The following PIBF1 variants were observed in gnomAD, a reference collection of about 807,000 sequenced individuals.
PIBF1 encodes progesterone-induced-blocking factor 1.
PIBF1 carries 90 observed loss-of-function variants against 112.5 expected under a neutral mutation model. The ratio of observed to expected loss-of-function variants is 0.80; its 90% CI spans 0.67 to 0.95. The LOEUF (loss-of-function observed/expected upper bound fraction) is 0.95, where lower values mean the gene tolerates loss of function less well. PIBF1 is among the 40% of genes least tolerant of loss of function. The pLI is 0.00. For missense variants in PIBF1, 915 were observed against 852.3 expected (o/e 1.07, Z -0.92); for synonymous variants, 301 against 288.6 (o/e 1.04, Z -0.44).
At chr13:72,856,321 C>T (rs1168310434) in intron 10 of PIBF1, among the ~76,000 whole-genome samples, 2 of 152,080 alleles carry the variant, frequency 1.3e-5, no homozygotes, top group Non-Finnish European at 2.9e-5. Flanking sequence ...GAATTTTTCA[C>T]TAAAATTTTA....
chr13:72,796,229 G>C (rs1218409455), intron 4 of PIBF1, among the ~76,000 whole-genome samples: 1 of 152,046 alleles, frequency 6.6e-6, no homozygotes, highest in Non-Finnish European at 1.5e-5. Context: ...ACAGTCATGA[G>C]AGAATGAGAA....
Position 72,935,821 on chromosome 13 carries a change from T to C in PIBF1, c.1833+4554T>C, listed in dbSNP as rs148236296. Among the ~76,000 whole-genome samples, 92 of 152,236 alleles carry C rather than the reference T, an allele frequency of 6.0e-4. No homozygotes were observed. The East Asian group carries it at 0.015, about 25-fold the overall frequency. On this transcript the variant is annotated intron_variant, in intron 14 of 17. Coordinates refer to ENST00000326291, the MANE Select transcript of PIBF1 (RefSeq NM_006346.4). ...TCTTCTCATTTGAGTTTCTTTGCCCTCTGTTTATCTTCTTGGGAGAAGTGT... is the reference window on the plus strand; with the variant it reads ...TCTTCTCATTTGAGTTTCTTTGCCCCCTGTTTATCTTCTTGGGAGAAGTGT...
At position 72,829,239 on chromosome 13, in the gene PIBF1, C is replaced by A. The variant is rs148692395; in HGVS notation, c.1097+1325C>A. On this transcript the variant is annotated intron_variant, in intron 8 of 17. Coordinates refer to ENST00000326291, the MANE Select transcript of PIBF1 (RefSeq NM_006346.4). Reference sequence around the variant, plus strand: ...CCTGTTCTGGAGTTTGCCTATCCACCCTAATGATAGTTTCTTTTGCTGTGC... The same window carrying A: ...CCTGTTCTGGAGTTTGCCTATCCACACTAATGATAGTTTCTTTTGCTGTGC... Among the ~76,000 whole-genome samples the A allele has an allele frequency of 6.6e-5, 10 of 152,144 alleles. No homozygotes were observed. In the East Asian group the frequency reaches 1.9e-3, roughly 29 times the overall value.
At chr13:72,859,395 T>C (rs1311065276) in intron 10 of PIBF1, among the ~76,000 whole-genome samples, 1 of 152,148 alleles carries the variant, frequency 6.6e-6, no homozygotes, top group Non-Finnish European at 1.5e-5. Flanking sequence ...AATGGATTAG[T>C]AACTACTGAA....
At chr13:72,902,006 A>ATGTGTGTGTGTGTGTGTGTGTGTGTGTG (rs137877705) in intron 11 of PIBF1, among the ~76,000 whole-genome samples, 10,275 of 147,682 alleles carry the variant, frequency 0.07, 484 homozygotes, top group Middle Eastern at 0.14. Context: ...GTGTATGTAT[A>ATGTGTGTGTGTGTGTGTGTGTGTGTGTG]TGTGTGTGTG....
At chr13:72,867,418 C>A (rs960476301) in intron 10 of PIBF1, among the ~76,000 whole-genome samples, 4 of 152,078 alleles carry the variant, frequency 2.6e-5, no homozygotes, top group African/African-American at 9.7e-5. Context: ...AAATGAAATT[C>A]TTTATTTAAA....
intron 16 of PIBF1, 25 bp downstream of exon 16, chr13:72,973,700 T>C (rs748740285): frequency 7.5e-7 from 1 of 1,329,928 alleles, no homozygotes; most frequent in Non-Finnish European, 1.1e-6. Flanking sequence ...TTGTCATAAT[T>C]GTAATCATTT....
intron 14 of PIBF1, among the ~76,000 whole-genome samples, chr13:72,951,249 A>G (rs909056499): frequency 1.1e-4 from 16 of 152,114 alleles, no homozygotes; most frequent in Admixed American, 6.5e-4. Context: ...GTTATTTTTA[A>G]TAATTGCCTT....
At chr13:72,983,128 G>GACCAGCCTGGGCAACACAGCAA (rs2043193450) in intron 16 of PIBF1, among the ~76,000 whole-genome samples, 1 of 152,084 alleles carries the variant, frequency 6.6e-6, no homozygotes. Flanking sequence ...AGGAATTTGA[G>GACCAGCCTGGGCAACACAGCAA]ACCAGCCTGG....
chr13:72,837,204 A>G (rs1019067739), intron 9 of PIBF1, among the ~76,000 whole-genome samples: 9 of 152,116 alleles, frequency 5.9e-5, no homozygotes, highest in Admixed American at 2.0e-4. Flanking sequence ...TTCTTAAAAA[A>G]TGTTTTGACA....
At chr13:72,784,488 G>A (rs1566263848) in intron 2 of PIBF1, among the ~76,000 whole-genome samples, 1 of 151,126 alleles carries the variant, frequency 6.6e-6, no homozygotes, top group Non-Finnish European at 1.5e-5. Context: ...GCCAAGTGCG[G>A]TGGCTCACAC....
chr13:72,819,262 G>GA (rs1310316153), intron 5 of PIBF1, among the ~76,000 whole-genome samples: 1 of 152,002 alleles, frequency 6.6e-6, no homozygotes, highest in Admixed American at 6.6e-5. Context: ...GTATCAGCTG[G>GA]AAAAAAGCCT....
rs761760307 is a variant in PIBF1, at chr13:72,973,599, A to T, written c.1973A>T (p.Asn658Ile). 7.8e-6 allele frequency: 12 copies of T among 1,547,732 alleles called. No homozygotes were observed. The African/African-American group carries it at 1.4e-4, about 18-fold the overall frequency. Residue 658 changes from asparagine (N) to isoleucine (I), a missense_variant, in exon 16 of 18, where the codon AAT (asparagine) becomes ATT (isoleucine). Coordinates refer to ENST00000326291, the MANE Select transcript of PIBF1 (RefSeq NM_006346.4). ...GGGGTTTTTTTTTTCAGCAACTTAAATAAAGAAAAGTCAGCTTTACTACAG... is the reference window on the plus strand; with the variant it reads ...GGGGTTTTTTTTTTCAGCAACTTAATTAAAGAAAAGTCAGCTTTACTACAG... ...AQLEKDVSNL[N>I]KEKSALLQTK...
chr13:72,876,131 A>ATTTTTT (rs1379154834), intron 10 of PIBF1, among the ~76,000 whole-genome samples: 1 of 27,932 alleles, frequency 3.6e-5, no homozygotes, highest in Non-Finnish European at 6.8e-5. Context: ...CTGTGTTCAG[A>ATTTTTT]TTCTTTTTTT....
intron 10 of PIBF1, among the ~76,000 whole-genome samples, chr13:72,861,522 TAAAG>T (rs1401220260): frequency 6.6e-5 from 10 of 152,172 alleles, no homozygotes; most frequent in Admixed American, 6.5e-4. Context: ...TAAAGCTTGA[TAAAG>T]AAATCAGCTG....
At chr13:72,846,465 A>G (rs2037885021) in intron 9 of PIBF1, among the ~76,000 whole-genome samples, 2 of 152,178 alleles carry the variant, frequency 1.3e-5, no homozygotes, top group Admixed American at 1.3e-4. Context: ...TTCTTGTTAA[A>G]TGTTAAGTTG....
intron 9 of PIBF1, among the ~76,000 whole-genome samples, chr13:72,848,912 C>T (rs9573046): frequency 6.6e-6 from 1 of 151,674 alleles, no homozygotes; most frequent in East Asian, 1.9e-4. Context: ...CTTGGTTTGT[C>T]TAAGAAAGTA....
At chr13:72,945,697 A>G (rs920792899) in intron 14 of PIBF1, among the ~76,000 whole-genome samples, 1 of 152,234 alleles carries the variant, frequency 6.6e-6, no homozygotes, top group Non-Finnish European at 1.5e-5. Context: ...GAATTGTTAT[A>G]TTCAAATTAG....
At chr13:72,931,714 CTACG>C (rs2138768206) in intron 14 of PIBF1, among the ~76,000 whole-genome samples, 1 of 36,918 alleles carries the variant, frequency 2.7e-5, no homozygotes. Context: ...GTCATTTAAA[CTACG>C]TATATATATA....
Sources: allele counts gnomAD v4.1 joint callset (sites outside exome capture counted in the v4.1 genomes callset), GRCh38; gene constraint gnomAD v4.1.1; transcripts MANE v1.5; gene names NCBI Gene and HGNC (gene_info 2026-07-23, HGNC 2026-07-21).